The following FOCAD variants were observed in gnomAD, a reference collection of about 807,000 sequenced individuals.
FOCAD encodes the protein KIAA1797.
FOCAD carries 198 observed loss-of-function variants against 225.6 expected under a neutral mutation model. That is an observed-to-expected ratio of 0.88 (90% CI 0.78 to 0.99). FOCAD has a LOEUF of 0.99. Among genes scored for constraint, FOCAD ranks in the 50% least tolerant of loss-of-function variants. The pLI is 0.00. For missense variants in FOCAD, 2,713 were observed against 2,123.6 expected, an observed-to-expected ratio of 1.28 and a Z score of -5.46; for synonymous variants, 897 against 755.0, an observed-to-expected ratio of 1.19 and a Z score of -3.08.
At chr9:20,664,236 TA>T (rs1418750798) in intron 2 of FOCAD, among the ~76,000 whole-genome samples, 2 of 151,052 alleles carry the variant, frequency 1.3e-5, no homozygotes, top group Non-Finnish European at 2.9e-5. Flanking sequence ...TTTATAGTAT[TA>T]AATTTATATC....
intron 3 of FOCAD, among the ~76,000 whole-genome samples, chr9:20,718,625 C>A (rs183120723): frequency 6.6e-6 from 1 of 152,162 alleles, no homozygotes; most frequent in Non-Finnish European, 1.5e-5. Context: ...GTAGGACACA[C>A]TTCACTAATT....
Position 20,820,981 on chromosome 9 carries a change from C to G in FOCAD, c.1703C>G (p.Ser568Cys). ...GAACTGCAGCGTTTCATGGCTGTGT[C>G]TGATGTACCTTCTCTTTCGGTGGGC... ...YPELQRFMAV[S>C]DVPSLSVGKE... Residue 568 changes from serine (S) to cysteine (C), a missense_variant, in exon 14 of 44, where the codon TCT (serine) becomes TGT (cysteine). Physicochemically the swap from Ser to Cys is moderately radical, Grantham distance 112. Transcript: ENST00000338382. 6.2e-7 allele frequency: 1 copy of G among 1,612,682 alleles called. No homozygotes were observed. Among genetic ancestry groups the G allele is most frequent in the African/African-American group, 1.3e-5 (1 of 74,894 alleles).
At chr9:20,983,551 A>C (rs1840898953) in intron 39 of FOCAD, among the ~76,000 whole-genome samples, 2 of 148,894 alleles carry the variant, frequency 1.3e-5, no homozygotes, top group African/African-American at 5.0e-5. Context: ...CAGCCTGGTG[A>C]CAGAACGAGA....
At chr9:20,915,665 C>G (rs1357290751) in intron 23 of FOCAD, among the ~76,000 whole-genome samples, 1 of 152,008 alleles carries the variant, frequency 6.6e-6, no homozygotes, top group Non-Finnish European at 1.5e-5. Flanking sequence ...TATAACAGAC[C>G]AAGAAATGGG....
intron 5 of FOCAD, among the ~76,000 whole-genome samples, chr9:20,743,655 C>T (rs554675660): frequency 4.5e-4 from 68 of 152,218 alleles, no homozygotes; most frequent in Middle Eastern, 3.4e-3. Context: ...ACTGGGGCAG[C>T]GTGTTAAAAG....
chr9:20,779,745 C>T (rs972679379), intron 9 of FOCAD, among the ~76,000 whole-genome samples: 1 of 149,238 alleles, frequency 6.7e-6, no homozygotes, highest in African/African-American at 2.5e-5. Flanking sequence ...AGCGAAACTC[C>T]GTCTCAAAAA....
rs774037590 is a variant in FOCAD at position 20,867,021 on chromosome 9, A to G, written c.2190+9A>G. ...TTCATCTGCCTGAAAAGGTAGGCAT[A>G]TCTGCTTTCTCACTGGTATTTCTTA... On this transcript the variant is annotated intron_variant, in intron 18 of 43. Transcript: ENST00000338382. The G allele has an allele frequency of 6.5e-7, 1 of 1,546,826 alleles. No homozygotes were observed. The highest frequency in any genetic ancestry group is 2.3e-5 in the East Asian group (1 of 44,358).
chr9:20,661,369 C>T (rs1375251596), intron 2 of FOCAD, among the ~76,000 whole-genome samples: 1 of 152,094 alleles, frequency 6.6e-6, no homozygotes, highest in East Asian at 1.9e-4. Context: ...GAGTAGACAA[C>T]ATGTATTATA....
upstream of FOCAD, among the ~76,000 whole-genome samples, chr9:20,680,861 CTG>C (rs1410072192): frequency 2.0e-5 from 3 of 152,104 alleles, no homozygotes; most frequent in Non-Finnish European, 1.5e-5. Flanking sequence ...TAGCCGAACA[CTG>C]TGGTGTGTGC....
intron 11 of FOCAD, among the ~76,000 whole-genome samples, chr9:20,814,716 A>AT (rs1823474795): frequency 6.6e-6 from 1 of 152,126 alleles, no homozygotes; most frequent in Non-Finnish European, 1.5e-5. Context: ...CATGGGACTT[A>AT]CATCAATATC....
chr9:20,710,140 A>T (rs890095968), intron 1 of FOCAD, among the ~76,000 whole-genome samples: 8 of 150,854 alleles, frequency 5.3e-5, no homozygotes, highest in African/African-American at 2.0e-4. Context: ...CAATAATCTT[A>T]CCTGCTTCTG....
At position 20,672,592 on chromosome 9, in the gene FOCAD, A is replaced by T. The variant is rs1398620448; in HGVS notation, c.-78+13766A>T. 5.3e-5 allele frequency among the ~76,000 whole-genome samples: 8 copies of T among 152,266 alleles called. 2 individuals carry two copies. The East Asian group carries it at 1.4e-3, about 26-fold the overall frequency. On this transcript the variant is annotated intron_variant, in intron 2 of 45. Transcript: ENST00000380249. ...CAGACTCCAGAGTAGCTGGGACAAC[A>T]GGTGCCCGCCACCACGCCCAGCTAA...
At chr9:20,917,773 A>C (rs1478245217) in intron 24 of FOCAD, among the ~76,000 whole-genome samples, 1 of 152,190 alleles carries the variant, frequency 6.6e-6, no homozygotes, top group Non-Finnish European at 1.5e-5. Context: ...AACCTTCTGT[A>C]GCTAAATAGA....
At chr9:20,922,343 G>C (rs1221869959) in intron 24 of FOCAD, among the ~76,000 whole-genome samples, 2 of 152,032 alleles carry the variant, frequency 1.3e-5, no homozygotes, top group African/African-American at 2.4e-5. Flanking sequence ...CATTGAGGTG[G>C]GGGGGTGGTG....
intron 15 of FOCAD, among the ~76,000 whole-genome samples, chr9:20,829,446 T>C (rs1405986030): frequency 6.6e-6 from 1 of 152,040 alleles, no homozygotes; most frequent in Non-Finnish European, 1.5e-5. Flanking sequence ...GCCATCCTAA[T>C]GAGTGTGAAG....
chr9:20,904,929 T>C (rs912359706), intron 21 of FOCAD, among the ~76,000 whole-genome samples: 1 of 152,092 alleles, frequency 6.6e-6, no homozygotes, highest in African/African-American at 2.4e-5. Context: ...GCAATGTGGC[T>C]GACTATACAG....
chr9:20,778,404 T>A (rs941918919), intron 8 of FOCAD, among the ~76,000 whole-genome samples: 1 of 152,092 alleles, frequency 6.6e-6, no homozygotes, highest in Non-Finnish European at 1.5e-5. Flanking sequence ...ATTTTTTTGA[T>A]AGAGACGGGG....
intron 15 of FOCAD, among the ~76,000 whole-genome samples, chr9:20,825,056 TTAAA>T (rs1327730863): frequency 6.6e-6 from 1 of 151,972 alleles, no homozygotes; most frequent in African/African-American, 2.4e-5. Context: ...AGCTGTGTGT[TTAAA>T]TAAGTAGATG....
Position 20,793,479 on chromosome 9 carries a change from C to A in FOCAD, c.1455+3871C>A, listed in dbSNP as rs192202343. 3.7e-3 allele frequency among the ~76,000 whole-genome samples: 556 copies of A among 152,244 alleles called. 6 individuals carry two copies. Among genetic ancestry groups the A allele is most frequent in the African/African-American group, 0.013 (539 of 41,544 alleles). On this transcript the variant is annotated intron_variant, in intron 11 of 43. Coordinates refer to ENST00000338382, the MANE Select transcript of FOCAD (RefSeq NM_001375567.1). ...CCTGGGCGTTAGTGTTGGGCTGTTA[C>A]TTCTGATTGGTCTACAGATTAGAAA...
Sources: gnomAD v4.1 joint callset for allele counts (sites outside exome capture counted in the v4.1 genomes callset) on GRCh38, gnomAD v4.1.1 for gene constraint, MANE v1.5 for transcripts, NCBI Gene and HGNC (gene_info 2026-07-23, HGNC 2026-07-21) for gene names.